Variants in CCDC73 observed in about 807,000 individuals in gnomAD.
CCDC73 encodes the protein coiled-coil domain containing 73, also known as coiled-coil domain-containing protein 73.
Under a neutral mutation model 116.5 loss-of-function variants are expected in CCDC73, and 95 were observed. The ratio of observed to expected loss-of-function variants is 0.82; its 90% CI spans 0.69 to 0.97. The LOEUF (loss-of-function observed/expected upper bound fraction) is 0.97, where lower values mean the gene tolerates loss of function less well. Among genes scored for constraint, CCDC73 ranks in the 50% least tolerant of loss-of-function variants. The pLI is 0.00. For missense variants in CCDC73, 1,066 were observed against 1,206.8 expected, an observed-to-expected ratio of 0.88 and a Z score of 1.73; for synonymous variants, 398 against 401.3, an observed-to-expected ratio of 0.99 and a Z score of 0.10.
the CCDC73 span, among the ~76,000 whole-genome samples, chr11:32,802,708 G>A: frequency 1.3e-5 from 2 of 152,254 alleles, no homozygotes; most frequent in South Asian, 4.1e-4. Flanking sequence ...AGAACCTCTT[G>A]TACCTGGCTA....
intron 3 of CCDC73, among the ~76,000 whole-genome samples, chr11:32,716,568 T>G (rs1246785282): frequency 6.6e-6 from 1 of 152,198 alleles, no homozygotes. Flanking sequence ...TTGGATTTAT[T>G]TATTTATTTT....
intron 2 of CCDC73, among the ~76,000 whole-genome samples, chr11:32,747,314 G>A (rs1270458681): frequency 6.6e-6 from 1 of 152,124 alleles, no homozygotes; most frequent in Non-Finnish European, 1.5e-5. Flanking sequence ...TCGTCCCAGA[G>A]GGAGGGGCAC....
intron 2 of CCDC73, among the ~76,000 whole-genome samples, chr11:32,720,268 G>T (rs987435287): frequency 6.6e-6 from 1 of 152,006 alleles, no homozygotes; most frequent in African/African-American, 2.4e-5. Context: ...ACATCAATAC[G>T]CTAATCATAT....
intron 14 of CCDC73, among the ~76,000 whole-genome samples, chr11:32,635,242 G>C (rs944015473): frequency 6.6e-6 from 1 of 152,066 alleles, no homozygotes; most frequent in African/African-American, 2.4e-5. Flanking sequence ...GAAAATATAG[G>C]ACTTAGAATA....
At chr11:32,731,441 G>A (rs1022062081) in intron 2 of CCDC73, among the ~76,000 whole-genome samples, 10 of 152,254 alleles carry the variant, frequency 6.6e-5, no homozygotes, top group Admixed American at 3.9e-4. Flanking sequence ...CTCCCAGCAC[G>A]GAGTTTGAGA....
chr11:32,765,707 G>C (rs1442248649), intron 1 of CCDC73, among the ~76,000 whole-genome samples: 1 of 152,220 alleles, frequency 6.6e-6, no homozygotes, highest in Non-Finnish European at 1.5e-5. Flanking sequence ...AAAAGAACTA[G>C]AGAAGCAAGA....
chr11:32,702,779 G>T, intron 4 of CCDC73, 94 bp downstream of exon 4: 9 of 850,154 alleles, frequency 1.1e-5, no homozygotes, highest in Admixed American at 5.7e-5. Flanking sequence ...TTTGTCTTTG[G>T]TGACTATGGA....
At chr11:32,824,642 A>T in the CCDC73 span, among the ~76,000 whole-genome samples, 1 of 152,236 alleles carries the variant, frequency 6.6e-6, no homozygotes, top group Non-Finnish European at 1.5e-5. Context: ...CAAAAATACA[A>T]ACATGGGTAA....
In CCDC73 at chr11:32,642,129, G is replaced by A. The variant is rs925418666; in HGVS notation, c.940-47C>T. The A allele has an allele frequency of 3.4e-6, 5 of 1,455,226 alleles. No individual in the cohort carries two copies. The Admixed American group carries it at 9.4e-5, about 27-fold the overall frequency. The allele number at this position is 1,455,226 out of a possible 1,614,324, so 90.1% of individuals were successfully genotyped here. On this transcript the variant is annotated intron_variant, in intron 12 of 17. Coordinates refer to ENST00000335185, the MANE Select transcript of CCDC73 (RefSeq NM_001008391.4). The stretch of plus-strand genomic sequence containing the variant: ...AAAAAATAATCAATACCACATTAAT[G>A]AATTCTGATGTGTTTTATGTTGCTT...
intron 2 of CCDC73, among the ~76,000 whole-genome samples, chr11:32,756,909 T>A (rs1259053632): frequency 6.6e-5 from 10 of 152,138 alleles, no homozygotes; most frequent in Admixed American, 2.0e-4. Flanking sequence ...ACAAAATCAG[T>A]ATCTCATAAG....
chr11:32,613,442 A>G lies in CCDC73; in HGVS notation c.2876T>C (p.Val959Ala), dbSNP rs117521878. The stretch of plus-strand genomic sequence containing the variant: ...CTTACCTGGTCCAATATCCTTTCCA[A>G]CATCATCCACACCAATATTTTTACA... ...ALCKNIGVDD[V>A]GKDIGPDTTS... The change falls in exon 16 of 18, where the codon GTT (valine) becomes GCT (alanine). Residue 959 changes from valine (V) to alanine (A), a missense_variant. Transcript: ENST00000335185. 1.9e-6 allele frequency: 3 copies of G among 1,611,584 alleles called. No individual in the cohort carries two copies. Among genetic ancestry groups the G allele is most frequent in the East Asian group, 2.2e-5 (1 of 44,844 alleles).
the CCDC73 span, among the ~76,000 whole-genome samples, chr11:32,806,429 G>A: frequency 6.6e-6 from 1 of 151,978 alleles, no homozygotes; most frequent in Non-Finnish European, 1.5e-5. Context: ...TTCAAGACCA[G>A]CCTGGGCAAC....
the CCDC73 span, among the ~76,000 whole-genome samples, chr11:32,814,184 C>A: frequency 1.6e-4 from 25 of 152,166 alleles, no homozygotes; most frequent in African/African-American, 5.5e-4. Flanking sequence ...TGGCTTTAAC[C>A]AGGAGCCTCA....
At chr11:32,633,861 CTT>C (rs1257063146) in intron 14 of CCDC73, among the ~76,000 whole-genome samples, 1 of 152,178 alleles carries the variant, frequency 6.6e-6, no homozygotes, top group Non-Finnish European at 1.5e-5. Flanking sequence ...GTGAGCCACT[CTT>C]GTTAGGAAAT....
intron 6 of CCDC73, among the ~76,000 whole-genome samples, chr11:32,697,781 T>C (rs1326212998): frequency 1.3e-5 from 2 of 152,048 alleles, no homozygotes; most frequent in African/African-American, 2.4e-5. Context: ...CTTTCTTTTT[T>C]CATGACACTG....
At chr11:32,672,900 A>G (rs1856052312) in intron 9 of CCDC73, among the ~76,000 whole-genome samples, 1 of 152,194 alleles carries the variant, frequency 6.6e-6, no homozygotes, top group Admixed American at 6.5e-5. Flanking sequence ...CTGATCCCTC[A>G]GGTATAAGAA....
intron 9 of CCDC73, among the ~76,000 whole-genome samples, chr11:32,669,835 G>A (rs1856020097): frequency 6.6e-6 from 1 of 152,234 alleles, no homozygotes; most frequent in African/African-American, 2.4e-5. Flanking sequence ...CTGTGTATGG[G>A]TACCACATTT....
At chr11:32,644,560 T>C (rs1187693646) in intron 12 of CCDC73, among the ~76,000 whole-genome samples, 3 of 152,244 alleles carry the variant, frequency 2.0e-5, no homozygotes, top group Admixed American at 1.3e-4. Context: ...TTCACAATGT[T>C]GTACAACTAT....
intron 17 of CCDC73, among the ~76,000 whole-genome samples, chr11:32,607,811 GA>G (rs35497253): frequency 0.48 from 66,903 of 140,018 alleles, 15,268 homozygotes; most frequent in African/African-American, 0.53. Flanking sequence ...CTGGAGACTG[GA>G]AAAAAAAAGA....
Sources: allele counts gnomAD v4.1 joint callset (sites outside exome capture counted in the v4.1 genomes callset), GRCh38; gene constraint gnomAD v4.1.1; transcripts MANE v1.5; gene names NCBI Gene and HGNC (gene_info 2026-07-23, HGNC 2026-07-21).